Variants in TTC23L observed in about 807,000 individuals in gnomAD.
TTC23L encodes the protein tetratricopeptide repeat protein 23-like.
Under a neutral mutation model 48.1 loss-of-function variants are expected in TTC23L, and 42 were observed. The ratio of observed to expected loss-of-function variants is 0.87; its 90% CI spans 0.68 to 1.13. The LOEUF is 1.13. Ranked by LOEUF, TTC23L falls within the 50% of genes most tolerant of loss-of-function variation. The pLI, the probability that TTC23L is intolerant of heterozygous loss-of-function variation, is 0.00. For synonymous variants in TTC23L, 159 were observed against 157.2 expected, an observed-to-expected ratio of 1.01 and a Z score of -0.09; for missense variants, 391 against 421.0, an observed-to-expected ratio of 0.93 and a Z score of 0.62.
chr5:34,867,849 G>A (rs974362741), intron 7 of TTC23L: 1 of 152,264 alleles, frequency 6.6e-6, no homozygotes, highest in African/African-American at 2.4e-5. Context: ...ACACAGTGGA[G>A]AGATGTCAGA....
chr5:34,915,630 G>A, the TTC23L span: 1 of 1,361,952 alleles, frequency 7.3e-7, no homozygotes, highest in Non-Finnish European at 9.8e-7. Flanking sequence ...CACAGACCTG[G>A]AGGACGACCG....
chr5:34,854,169 T>C (rs945191107), intron 4 of TTC23L, among the ~76,000 whole-genome samples: 1 of 152,210 alleles, frequency 6.6e-6, no homozygotes, highest in African/African-American at 2.4e-5. Context: ...TTTTTCCTGC[T>C]GCATGAATAG....
At chr5:34,892,767 C>A (rs1384101261) in intron 9 of TTC23L, among the ~76,000 whole-genome samples, 2 of 152,032 alleles carry the variant, frequency 1.3e-5, no homozygotes, top group Non-Finnish European at 2.9e-5. Context: ...GGCGTAGATA[C>A]CCGATATTGC....
chr5:34,909,879 T>C, the TTC23L span, among the ~76,000 whole-genome samples: 110 of 152,336 alleles, frequency 7.2e-4, no homozygotes, highest in African/African-American at 2.5e-3. Flanking sequence ...CCTGGAACAT[T>C]TGCTGCAGGA....
intron 9 of TTC23L, among the ~76,000 whole-genome samples, chr5:34,892,035 A>G (rs564332572): frequency 1.3e-5 from 2 of 152,364 alleles, no homozygotes; most frequent in East Asian, 1.9e-4. Flanking sequence ...AAACAAGCCC[A>G]TATCTCATTC....
Position 34,850,169 on chromosome 5 carries a change from C to T in TTC23L, c.256-16C>T. 1 of 1,613,424 alleles carries T rather than the reference C, an allele frequency of 6.2e-7. No homozygotes were observed. The highest frequency in any genetic ancestry group is 2.2e-5 in the East Asian group (1 of 44,860). On this transcript the variant is annotated splice_polypyrimidine_tract_variant and intron_variant, in intron 3 of 10. Coordinates refer to ENST00000505624, the Ensembl canonical transcript of TTC23L. ...TCTTCCTTTCCAAAAAGTATAATCA[C>T]TTCTGTACTCTACAGAATACTCAAG...
chr5:34,925,445 A>G, the TTC23L span: 1 of 1,613,920 alleles, frequency 6.2e-7, no homozygotes, highest in Non-Finnish European at 8.5e-7. Context: ...ACGGATTTAC[A>G]AAAGGCAAAG....
intron 4 of TTC23L, among the ~76,000 whole-genome samples, chr5:34,851,099 G>A (rs1312007808): frequency 2.6e-5 from 4 of 152,152 alleles, no homozygotes; most frequent in Non-Finnish European, 5.9e-5. Flanking sequence ...CTCAGGGCGG[G>A]ACTGGTCTCA....
At chr5:34,918,458 T>G in the TTC23L span, 2 of 1,602,188 alleles carry the variant, frequency 1.2e-6, no homozygotes, top group South Asian at 1.1e-5. Context: ...AGAATGTTGA[T>G]GCCTCATTCT....
intron 4 of TTC23L, among the ~76,000 whole-genome samples, chr5:34,855,310 G>A (rs1318067193): frequency 6.6e-6 from 1 of 152,000 alleles, no homozygotes; most frequent in Non-Finnish European, 1.5e-5. Context: ...TTAAATACAG[G>A]CTAAGGAATT....
intron 8 of TTC23L, among the ~76,000 whole-genome samples, chr5:34,878,535 G>A (rs1356897922): frequency 1.3e-5 from 2 of 152,158 alleles, no homozygotes; most frequent in Non-Finnish European, 2.9e-5. Context: ...TACATGGAGA[G>A]GCCAGAATAA....
intron 4 of TTC23L, among the ~76,000 whole-genome samples, chr5:34,851,467 A>G (rs1201070421): frequency 6.6e-6 from 1 of 152,200 alleles, no homozygotes; most frequent in African/African-American, 2.4e-5. Flanking sequence ...TGATGTGGCA[A>G]GATCACAGGT....
At chr5:34,849,378 G>A (rs1428476786) in intron 3 of TTC23L, among the ~76,000 whole-genome samples, 3 of 152,092 alleles carry the variant, frequency 2.0e-5, no homozygotes, top group Admixed American at 6.6e-5. Context: ...CTAATATAAA[G>A]GCAGAACAGA....
At chr5:34,844,108 G>T (rs1758914072) in intron 2 of TTC23L, among the ~76,000 whole-genome samples, 1 of 152,174 alleles carries the variant, frequency 6.6e-6, no homozygotes, top group Non-Finnish European at 1.5e-5. Flanking sequence ...TCTCGAAGGA[G>T]GAGTATGGAA....
the TTC23L span, chr5:34,911,637 C>T: frequency 6.2e-7 from 1 of 1,614,128 alleles, no homozygotes; most frequent in Non-Finnish European, 8.5e-7. Context: ...CACGGAGCCC[C>T]TCTGACTGCA....
At chr5:34,923,096 C>G in the TTC23L span, 3 of 1,570,180 alleles carry the variant, frequency 1.9e-6, no homozygotes, top group African/African-American at 4.1e-5. Context: ...CATGATATAT[C>G]TTGGAATAAG....
intron 8 of TTC23L, chr5:34,869,982 C>T (rs1761341751): frequency 6.6e-6 from 1 of 152,006 alleles, no homozygotes; most frequent in African/African-American, 2.4e-5. Context: ...CTCCATACAA[C>T]TTGAGCTTTT....
At chr5:34,914,865 C>T in the TTC23L span, 2 of 1,614,088 alleles carry the variant, frequency 1.2e-6, no homozygotes, top group South Asian at 1.1e-5. Context: ...TCATCCTCGT[C>T]TTGGATCTGT....
exon 6 of TTC23L, chr5:34,864,519 G>A (rs1760911299): frequency 6.2e-7 from 1 of 1,613,720 alleles, no homozygotes; most frequent in Non-Finnish European, 8.5e-7. Context: ...AGGTGTTTGT[G>A]AATTACAAGT....
Sources: allele counts gnomAD v4.1 joint callset (sites outside exome capture counted in the v4.1 genomes callset), GRCh38; gene constraint gnomAD v4.1.1; transcripts MANE v1.5; gene names NCBI Gene and HGNC (gene_info 2026-07-23, HGNC 2026-07-21).